The following WDR35 variants were observed in gnomAD, a reference collection of about 807,000 sequenced individuals.
The protein encoded by WDR35 is WD repeat domain 35.
In WDR35, 118 loss-of-function variants were observed where a neutral mutation model predicts 158.3. The observed-to-expected ratio is 0.75, with a 90% CI of 0.64 to 0.87. The LOEUF is 0.87. Among genes scored for constraint, WDR35 ranks in the 40% least tolerant of loss-of-function variants. The probability of loss-of-function intolerance (pLI) is 0.00; values close to 1 mark genes in which losing one functional copy is unlikely to be tolerated. For missense variants in WDR35, 1,263 were observed against 1,405.8 expected (o/e 0.90, Z 1.62); for synonymous variants, 448 against 476.1 (o/e 0.94, Z 0.77).
chr2:19,964,396 T>C (rs1359641165), intron 10 of WDR35, among the ~76,000 whole-genome samples: 7 of 148,556 alleles, frequency 4.7e-5, no homozygotes, highest in African/African-American at 1.5e-4. Flanking sequence ...TTTTTTTTTT[T>C]CTTTGGAGAC....
rs752437899 is a variant in WDR35, at chr2:19,937,852, C to G, written c.2158G>C (p.Val720Leu). ...RCKDYQGIKF[V>L]KRLGKLLSES... ...CTCAGTAGTTTGCCCAAGCGCTTCA[C>G]AAACTTAATGCCTTGGTAATCTTTG... The change falls in exon 19 of 27, where the codon GTG (valine) becomes CTG (leucine). Residue 720 changes from valine to leucine, a missense_variant. By Grantham distance (32) the Val-to-Leu change is conservative. Coordinates refer to ENST00000281405, the MANE Select transcript of WDR35 (RefSeq NM_020779.4). The G allele has an allele frequency of 1.2e-6, 2 of 1,614,150 alleles. No homozygotes were observed. The highest frequency in any genetic ancestry group is 1.7e-6 in the Non-Finnish European group (2 of 1,180,024).
chr2:19,934,044 C>CCAA lies in WDR35; in HGVS notation c.2548-534_2548-533insTTG, dbSNP rs1373301177. On this transcript the variant is annotated intron_variant, in intron 21 of 26. Transcript: ENST00000281405. This position sits in a 1 kb window ranked among gnomAD's most constrained non-coding sequence, Gnocchi z 4.6. ...GGAAGAACCACCACCACCACCACCACCACCACCACCACCACCACCACCACC... is the reference window on the plus strand; with the variant it reads ...GGAAGAACCACCACCACCACCACCACCAACACCACCACCACCACCACCACCACC... Among the ~76,000 whole-genome samples, 1 of 144,266 alleles carries CCAA rather than the reference C, an allele frequency of 6.9e-6. No homozygotes were observed. 94.6% of individuals were successfully genotyped at this position (144,266 alleles called of 152,430 possible).
At chr2:19,936,967 T>C (rs1670715058) in intron 19 of WDR35, among the ~76,000 whole-genome samples, 1 of 152,224 alleles carries the variant, frequency 6.6e-6, no homozygotes, top group South Asian at 2.1e-4. Context: ...TTTAGCAAAA[T>C]AATGATTTAA....
At chr2:19,916,620 T>C (rs181616733) in intron 25 of WDR35, among the ~76,000 whole-genome samples, 2 of 152,282 alleles carry the variant, frequency 1.3e-5, no homozygotes, top group African/African-American at 2.4e-5. Context: ...ACAAAGCCGC[T>C]GGGAAGTTGA....
intron 14 of WDR35, among the ~76,000 whole-genome samples, chr2:19,947,905 T>C (rs1671108328): frequency 6.6e-6 from 1 of 152,152 alleles, no homozygotes; most frequent in African/African-American, 2.4e-5. Context: ...TTATTTCTCA[T>C]ACTGAACTTA....
chr2:19,954,108 A>G (rs565501930), intron 11 of WDR35, 130 bp from the exon 12 acceptor site: 3 of 995,942 alleles, frequency 3.0e-6, no homozygotes, highest in South Asian at 2.7e-5. Flanking sequence ...ATAGTCTCAA[A>G]ATACCCATAC....
At chr2:19,929,997 G>T (rs894771331) in intron 25 of WDR35, among the ~76,000 whole-genome samples, 3 of 150,744 alleles carry the variant, frequency 2.0e-5, no homozygotes, top group African/African-American at 7.3e-5. Flanking sequence ...TTATACTCCC[G>T]ATATTGTAAA....
In WDR35 at chr2:19,941,778, A is replaced by T. The variant is rs1458630510; in HGVS notation, c.1907T>A (p.Leu636His). The T allele has an allele frequency of 8.9e-6, 14 of 1,567,534 alleles. No individual in the cohort carries two copies. In the East Asian group the frequency reaches 3.2e-4, roughly 35 times the overall value. ...AATTACCTTTAATATCTCATCCAAA[A>T]GAACAGATTTAATTTCTAAATCCTC... ...NFEDLEIKSV[L>H]LDEILKDPEH... The change falls in exon 17 of 27, where the codon CTT becomes CAT. Residue 636 changes from leucine (L) to histidine (H), a missense_variant. By Grantham distance (99) the Leu-to-His change is moderately conservative (BLOSUM62 -3). Transcript: ENST00000281405.
chr2:19,925,280 T>C (rs111641974), intron 25 of WDR35, among the ~76,000 whole-genome samples: 6 of 152,364 alleles, frequency 3.9e-5, no homozygotes, highest in African/African-American at 1.4e-4. Flanking sequence ...TTCAAATTGT[T>C]ATATCTACTT....
At chr2:19,936,036 T>G (rs1226988445) in intron 20 of WDR35, among the ~76,000 whole-genome samples, 183 bp downstream of exon 20, 2 of 152,168 alleles carry the variant, frequency 1.3e-5, no homozygotes, top group African/African-American at 2.4e-5. Flanking sequence ...CACTACAAAT[T>G]TTTATAGTGC....
rs770088886 is a variant in WDR35 at position 19,978,781 on chromosome 2, C to T, written c.406G>A (p.Asp136Asn). The change falls in exon 5 of 27, where the codon GAT (aspartate) becomes AAT (asparagine). Residue 136 changes from aspartate (D) to asparagine (N), a missense_variant. By Grantham distance (23) the Asp-to-Asn change is conservative. Transcript: ENST00000281405. Reference sequence around the variant, plus strand: ...ACTGAACCAACTATCACAGCCCCATCTTCATATACAATGCAGATCTTCTGT... The same window carrying T: ...ACTGAACCAACTATCACAGCCCCATTTTCATATACAATGCAGATCTTCTGT... ...DGQKICIVYE[D>N]GAVIVGSVDG... 1 of 1,613,902 alleles carries T rather than the reference C, an allele frequency of 6.2e-7. No individual in the cohort carries two copies. Among genetic ancestry groups the T allele is most frequent in the Admixed American group, 1.7e-5 (1 of 60,026 alleles).
intron 17 of WDR35, among the ~76,000 whole-genome samples, chr2:19,940,386 T>C (rs958081032): frequency 1.3e-5 from 2 of 151,884 alleles, no homozygotes; most frequent in African/African-American, 4.8e-5. Context: ...AATAGATATC[T>C]TTCTTCACAC....
intron 25 of WDR35, among the ~76,000 whole-genome samples, chr2:19,926,888 G>A (rs1028005516): frequency 9.9e-5 from 11 of 110,594 alleles, no homozygotes; most frequent in Non-Finnish European, 1.3e-4. Context: ...AAGAGATTCC[G>A]GGAGGATCTC....
At chr2:19,980,406 A>G (rs1672348319) in intron 4 of WDR35, among the ~76,000 whole-genome samples, 2 of 152,212 alleles carry the variant, frequency 1.3e-5, no homozygotes, top group Non-Finnish European at 2.9e-5. Flanking sequence ...CTGGAAAAAA[A>G]AAAAGACTTA....
chr2:19,939,687 T>A (rs1256781182), intron 17 of WDR35, among the ~76,000 whole-genome samples: 1 of 152,162 alleles, frequency 6.6e-6, no homozygotes, highest in Non-Finnish European at 1.5e-5. Context: ...AATATCTGAG[T>A]TGTGGGATTT....
intron 13 of WDR35, among the ~76,000 whole-genome samples, chr2:19,948,844 G>A (rs781379469): frequency 6.6e-6 from 1 of 151,494 alleles, no homozygotes; most frequent in Non-Finnish European, 1.5e-5. Flanking sequence ...AACCCAGGAG[G>A]CGGAGGCTGC....
chr2:19,933,296 C>T, intron 22 of WDR35, 105 bp downstream of exon 22: 2 of 915,642 alleles, frequency 2.2e-6, no homozygotes, highest in Non-Finnish European at 3.5e-6. Flanking sequence ...CCAACCCTTA[C>T]ATTGGCAATA....
rs537013039 is a variant in WDR35 at position 19,930,651 on chromosome 2, T to G, written c.2965-99A>C. On this transcript the variant is annotated intron_variant, in intron 24 of 26. Transcript: ENST00000281405. ...TCATTAAAGTATCTAAATGAGCAGA[T>G]TTTATCATTACAAAACTATGATTAC... 6.6e-4 allele frequency: 1,017 copies of G among 1,540,472 alleles called. 16 individuals carry two copies. The South Asian group carries it at 0.011, about 16-fold the overall frequency.
In WDR35 at chr2:19,945,946, T is replaced by C. The variant is rs1047235070; in HGVS notation, c.1685A>G (p.Asp562Gly). 2.5e-6 allele frequency: 4 copies of C among 1,613,930 alleles called. No individual in the cohort carries two copies. Among genetic ancestry groups the C allele is most frequent in the Middle Eastern group, 3.3e-4 (2 of 6,062 alleles). ...ISGVLTFFDL[D>G]ARVTDSTGQQ... ...TCCCGTACTGTCCGTTACTCGAGCATCCAAGTCAAAGAAAGTCAGAACTCC... is the reference window on the plus strand; with the variant it reads ...TCCCGTACTGTCCGTTACTCGAGCACCCAAGTCAAAGAAAGTCAGAACTCC... Residue 562 changes from aspartate to glycine, a missense_variant, in exon 16 of 27, where the codon GAT becomes GGT. Transcript: ENST00000281405.
Sources: gnomAD v4.1 joint callset for allele counts (sites outside exome capture counted in the v4.1 genomes callset) on GRCh38, gnomAD v4.1.1 for gene constraint, Gnocchi (gnomAD v3.1) non-coding constraint, MANE v1.5 for transcripts, NCBI Gene and HGNC (gene_info 2026-07-23, HGNC 2026-07-21) for gene names.